The following SMO variants were observed in gnomAD, a reference collection of about 807,000 sequenced individuals.
SMO encodes smoothened, frizzled class receptor.
Under a neutral mutation model 81.6 loss-of-function variants are expected in SMO, and 40 were observed. The ratio of observed to expected loss-of-function variants is 0.49; its 90% CI spans 0.38 to 0.64. The LOEUF (loss-of-function observed/expected upper bound fraction) is 0.64. Among genes scored for constraint, SMO ranks in the 30% least tolerant of loss-of-function variants. The pLI is 0.00. For missense variants in SMO, 916 were observed against 1,061.1 expected, an observed-to-expected ratio of 0.86 and a Z score of 1.90; for synonymous variants, 434 against 432.1, an observed-to-expected ratio of 1.00 and a Z score of -0.05.
chr7:129,212,540 C>A lies in SMO; in HGVS notation c.*89C>A. The A allele has an allele frequency of 7.7e-7, 1 of 1,299,098 alleles. No homozygotes were observed. The highest frequency in any genetic ancestry group is 1.1e-6 in the Non-Finnish European group (1 of 942,406). The allele number at this position is 1,299,098 out of a possible 1,614,324, so 80.5% of individuals were successfully genotyped here. A position where few individuals can be genotyped will look rare whatever the true frequency, so the allele number is the denominator to read the frequency against. On this transcript the variant is annotated 3_prime_UTR_variant, in exon 12 of 12. Transcript: ENST00000249373. The surrounding 1 kb of genome is among the most constrained non-coding windows in gnomAD (Gnocchi z 5.0). ...CACCGAGCATGCTTCCCTAGGATCC[C>A]GTCTTCCAGAGAACCTGTGGGCTGA... is the stretch of plus-strand genomic sequence containing the variant.
chr7:129,211,469 C>A lies in SMO; in HGVS notation c.1802-167C>A. On this transcript the variant is annotated intron_variant, in intron 10 of 11. Transcript: ENST00000249373. The surrounding 1 kb of genome is among the most constrained non-coding windows in gnomAD (Gnocchi z 4.6). The stretch of plus-strand genomic sequence containing the variant: ...GGCCCTTTGGGGACGTGAGGCCCTT[C>A]TCTTCAGATTCTGAAGGGGTAGAGA... 3 of 804,704 alleles carry A rather than the reference C, an allele frequency of 3.7e-6. No individual in the cohort carries two copies. Among genetic ancestry groups the A allele is most frequent in the Non-Finnish European group, 6.3e-6 (3 of 474,916 alleles). 49.8% of individuals were successfully genotyped at this position (804,704 alleles called of 1,614,324 possible). A position where few individuals can be genotyped will look rare whatever the true frequency, so the allele number is the denominator to read the frequency against.
At chr7:129,197,334 T>C (rs1418142154) in intron 1 of SMO, among the ~76,000 whole-genome samples, 1 of 152,204 alleles carries the variant, frequency 6.6e-6, no homozygotes, top group African/African-American at 2.4e-5. Context: ...TTGGTATAGG[T>C]TTTTTATAGT....
chr7:129,206,428 G>A lies in SMO; in HGVS notation c.1141-36G>A. 1 of 1,614,066 alleles carries A rather than the reference G, an allele frequency of 6.2e-7. No homozygotes were observed. Among genetic ancestry groups the A allele is most frequent in the Non-Finnish European group, 8.5e-7 (1 of 1,179,922 alleles). ...GGGGTGAGTTTGAGGGAGGGGGCCA[G>A]TAACCCACCTTCTGTCCCACCCCTT... On this transcript the variant is annotated intron_variant, in intron 5 of 11. Coordinates refer to ENST00000249373, the MANE Select transcript of SMO (RefSeq NM_005631.5). The surrounding 1 kb of genome is among the most constrained non-coding windows in gnomAD (Gnocchi z 4.4).
In SMO at chr7:129,211,254, C is replaced by A; in HGVS notation, c.1801+141C>A. On this transcript the variant is annotated intron_variant, in intron 10 of 11. Transcript: ENST00000249373. The surrounding 1 kb of genome is among the most constrained non-coding windows in gnomAD (Gnocchi z 4.6). ...GGCGCTCCCTCCATCGCTCACACAC[C>A]CATTCTTCCCCCGGCCCCTCCTACC... 2.2e-6 allele frequency: 2 copies of A among 912,600 alleles called. No individual in the cohort carries two copies. Among genetic ancestry groups the A allele is most frequent in the East Asian group, 2.6e-5 (1 of 38,566 alleles). 56.5% of individuals were successfully genotyped at this position (912,600 alleles called of 1,614,324 possible).
In SMO at chr7:129,211,116, G is replaced by A. The variant is rs2150654896; in HGVS notation, c.1801+3G>A. 6.2e-7 allele frequency: 1 copy of A among 1,602,242 alleles called. No homozygotes were observed. Among genetic ancestry groups the A allele is most frequent in the Non-Finnish European group, 8.5e-7 (1 of 1,173,634 alleles). The stretch of plus-strand genomic sequence containing the variant: ...TGTGTCCCACGACGGGCCCGTGGGT[G>A]AGCCTCACCCCTCCTCTACCGGAGC... On this transcript the variant is annotated splice_donor_region_variant and intron_variant, in intron 10 of 11. Transcript: ENST00000249373. The surrounding 1 kb of genome is among the most constrained non-coding windows in gnomAD (Gnocchi z 4.6).
chr7:129,207,182 C>T (rs1317851448), intron 6 of SMO, among the ~76,000 whole-genome samples: 1 of 152,136 alleles, frequency 6.6e-6, no homozygotes, highest in Non-Finnish European at 1.5e-5. Context: ...GGATCCAGCC[C>T]CAGTCAGCTC....
rs1372875534 is a variant in SMO at position 129,205,390 on chromosome 7, G to C, written c.725G>C (p.Gly242Ala). 6.2e-7 allele frequency: 1 copy of C among 1,610,920 alleles called. No homozygotes were observed. The highest frequency in any genetic ancestry group is 2.2e-5 in the East Asian group (1 of 44,690). ...SYIAAFGAVT[G>A]LCTLFTLATF... ...ATCGCGGCCTTCGGGGCCGTCACGG[G>C]CCTCTGCACGCTCTTCACCCTGGTC... The change falls in exon 3 of 12, where the codon GGC (glycine) becomes GCC (alanine). Residue 242 changes from glycine (G) to alanine (A), a missense_variant. By Grantham distance (60) the Gly-to-Ala change is moderately conservative. Transcript: ENST00000249373.
intron 2 of SMO, among the ~76,000 whole-genome samples, chr7:129,203,895 G>T (rs542813072): frequency 1.3e-5 from 2 of 152,212 alleles, no homozygotes; most frequent in South Asian, 2.1e-4. Context: ...TCTCATGTAT[G>T]TTGGGAGTTA....
At chr7:129,193,758 CA>C (rs35934044) in intron 1 of SMO, among the ~76,000 whole-genome samples, 7 of 7,448 alleles carry the variant, frequency 9.4e-4, no homozygotes, top group South Asian at 0.017. Context: ...GACTCCATCT[CA>C]AAAAAAAAAA....
rs116955912 is a variant in SMO at position 129,211,386 on chromosome 7, C to T, written c.1802-250C>T. 3.2e-5 allele frequency: 23 copies of T among 709,876 alleles called. No homozygotes were observed. In the East Asian group the frequency reaches 4.9e-4, roughly 15 times the overall value. 44.0% of individuals were successfully genotyped at this position (709,876 alleles called of 1,614,324 possible). On this transcript the variant is annotated intron_variant, in intron 10 of 11. Transcript: ENST00000249373. The surrounding 1 kb of genome is among the most constrained non-coding windows in gnomAD (Gnocchi z 4.6). ...TCCCTTCTCATAAATTCTCCAGTTGCTCTCCCTGGGCAAGAGTAAGTCAGG... is the reference window on the plus strand; with the variant it reads ...TCCCTTCTCATAAATTCTCCAGTTGTTCTCCCTGGGCAAGAGTAAGTCAGG...
intron 1 of SMO, among the ~76,000 whole-genome samples, chr7:129,196,356 T>TGTG (rs1563146555): frequency 2.6e-5 from 4 of 150,972 alleles, no homozygotes; most frequent in Admixed American, 6.6e-5. Context: ...TGTGTGTGTG[T>TGTG]TTTAATAGAG....
At chr7:129,193,799 T>A (rs1457482046) in intron 1 of SMO, among the ~76,000 whole-genome samples, 13 of 92,394 alleles carry the variant, frequency 1.4e-4, no homozygotes, top group South Asian at 4.2e-4. Flanking sequence ...TATATATATA[T>A]ATATATATAT....
Position 129,212,495 on chromosome 7 carries a change from C to T in SMO, c.*44C>T, listed in dbSNP as rs368336194. ...GGGACAGGAAAGAGAGGAACCAATA[C>T]CTTCAAGGCTCTTCTTCCTCACCGA... On this transcript the variant is annotated 3_prime_UTR_variant, in exon 12 of 12. Coordinates refer to ENST00000249373, the MANE Select transcript of SMO (RefSeq NM_005631.5). This position sits in a 1 kb window ranked among gnomAD's most constrained non-coding sequence, Gnocchi z 5.0. The T allele has an allele frequency of 2.6e-6, 4 of 1,543,936 alleles. No homozygotes were observed. The highest frequency in any genetic ancestry group is 3.5e-6 in the Non-Finnish European group (4 of 1,132,240).
intron 7 of SMO, 142 bp from the exon 8 acceptor site, chr7:129,209,147 A>T: frequency 1.6e-6 from 1 of 625,806 alleles, no homozygotes; most frequent in Non-Finnish European, 2.9e-6. Flanking sequence ...TAGAGAAAGC[A>T]GTTCTTGGAC....
In SMO at chr7:129,206,189, C is replaced by T. The variant is rs756995189; in HGVS notation, c.960C>T (p.Ile320=). The part of the protein sequence containing the change: ...ETLSCVIIFV[I]VYYALMAGVV... ...TGTCCTGCGTCATCATCTTTGTCAT[C>T]GTGTACTACGCCCTGATGGCTGGTG... The change falls in exon 5 of 12, where the codon ATC becomes ATT. Residue 320 remains isoleucine (I), a synonymous_variant. Transcript: ENST00000249373. This position sits in a 1 kb window ranked among gnomAD's most constrained non-coding sequence, Gnocchi z 4.4. 1.6e-5 allele frequency: 26 copies of T among 1,612,778 alleles called. No homozygotes were observed. Among genetic ancestry groups the T allele is most frequent in the East Asian group, 4.5e-5 (2 of 44,878 alleles).
rs2150649675 is a variant in SMO, at chr7:129,206,090, A to T, written c.921-60A>T. On this transcript the variant is annotated intron_variant, in intron 4 of 11. Coordinates refer to ENST00000249373, the MANE Select transcript of SMO (RefSeq NM_005631.5). The surrounding 1 kb of genome is among the most constrained non-coding windows in gnomAD (Gnocchi z 4.4). The stretch of plus-strand genomic sequence containing the variant: ...CTGAGGGTCTGGGCACAGGGTGGGG[A>T]GACCAGGTAGAGGGAGTACAGAGTG... 7.5e-7 allele frequency: 1 copy of T among 1,337,786 alleles called. No individual in the cohort carries two copies. The highest frequency in any genetic ancestry group is 1.0e-6 in the Non-Finnish European group (1 of 958,808). The allele number at this position is 1,337,786 out of a possible 1,614,324, so 82.9% of individuals were successfully genotyped here. A position where few individuals can be genotyped will look rare whatever the true frequency, so the allele number is the denominator to read the frequency against.
rs201039134 is a variant in SMO at position 129,206,421 on chromosome 7, G to C, written c.1141-43G>C. 1.2e-6 allele frequency: 2 copies of C among 1,613,978 alleles called. No homozygotes were observed. Among genetic ancestry groups the C allele is most frequent in the Non-Finnish European group, 1.7e-6 (2 of 1,179,884 alleles). ...CCTGGATGGGGTGAGTTTGAGGGAG[G>C]GGGCCAGTAACCCACCTTCTGTCCC... On this transcript the variant is annotated intron_variant, in intron 5 of 11. Coordinates refer to ENST00000249373, the MANE Select transcript of SMO (RefSeq NM_005631.5). The surrounding 1 kb of genome is among the most constrained non-coding windows in gnomAD (Gnocchi z 4.4).
chr7:129,205,347 C>T lies in SMO; in HGVS notation c.682C>T (p.Gln228Ter), dbSNP rs776727010. The part of the protein sequence containing the change: ...QNPLFTEAEH[Q>*]DMHSYIAAFG... The stretch of plus-strand genomic sequence containing the variant: ...CCCGCTCTTCACAGAGGCTGAGCAC[C>T]AGGACATGCACAGCTACATCGCGGC... Residue 228 changes from glutamine to a stop codon, truncating the protein, a stop_gained, in exon 3 of 12, where the codon CAG becomes TAG. Coordinates refer to ENST00000249373, the MANE Select transcript of SMO (RefSeq NM_005631.5). LOFTEE classifies it high-confidence loss of function. 6.2e-7 allele frequency: 1 copy of T among 1,613,954 alleles called. No homozygotes were observed.
At chr7:129,209,791 T>G (rs969643672) in intron 8 of SMO, 2 of 199,112 alleles carry the variant, frequency 1.0e-5, no homozygotes, top group African/African-American at 4.6e-5. Flanking sequence ...CTGCTAATGT[T>G]GGCTAGTTTT....
Sources: allele counts gnomAD v4.1 joint callset (sites outside exome capture counted in the v4.1 genomes callset), GRCh38; gene constraint gnomAD v4.1.1; non-coding constraint Gnocchi (gnomAD v3.1); transcripts MANE v1.5; gene names NCBI Gene and HGNC (gene_info 2026-07-23, HGNC 2026-07-21).